Variants in FOLH1 observed in about 807,000 individuals in gnomAD.
FOLH1 encodes folate hydrolase 1.
A neutral mutation model predicts 93.9 loss-of-function variants in FOLH1; 54 were observed. That is an observed-to-expected ratio of 0.57 (90% CI 0.46 to 0.72). The LOEUF is 0.72. Among genes scored for constraint, FOLH1 ranks in the 30% least tolerant of loss-of-function variants. The probability of loss-of-function intolerance (pLI) is 0.00; values close to 1 mark genes in which losing one functional copy is unlikely to be tolerated. For synonymous variants in FOLH1, 249 were observed against 303.6 expected, an observed-to-expected ratio of 0.82 and a Z score of 1.87; for missense variants, 571 against 892.5, an observed-to-expected ratio of 0.64 and a Z score of 4.59.
chr11:49,185,946 C>G (rs1355657235), intron 5 of FOLH1, 91 bp from the exon 6 acceptor site: 5 of 1,398,522 alleles, frequency 3.6e-6, no homozygotes, highest in Non-Finnish European at 1.9e-6. Flanking sequence ...TAAATGAGTA[C>G]CAGAACTTTA....
Position 49,178,454 on chromosome 11 carries a change from A to G in FOLH1, c.921-2497T>C, listed in dbSNP as rs1200843916. Among the ~76,000 whole-genome samples, 7 of 152,332 alleles carry G rather than the reference A, an allele frequency of 4.6e-5. No individual in the cohort carries two copies. In the South Asian group the frequency reaches 1.4e-3, roughly 32 times the overall value. ...TAATAGTCCATATTTCCATAAAACA[A>G]CACAATATAAAACCACGATTGTAGT... is the stretch of plus-strand genomic sequence containing the variant. On this transcript the variant is annotated intron_variant, in intron 7 of 18. Coordinates refer to ENST00000256999, the MANE Select transcript of FOLH1 (RefSeq NM_004476.3).
chr11:49,193,035 C>G (rs1018536291), intron 3 of FOLH1, 141 bp from the exon 4 acceptor site: 2 of 533,822 alleles, frequency 3.7e-6, no homozygotes, highest in Admixed American at 8.1e-5. Context: ...GTATCAGATA[C>G]CCAGCACTAT....
intron 17 of FOLH1, among the ~76,000 whole-genome samples, chr11:49,150,154 A>G (rs1041300727): frequency 4.6e-5 from 7 of 152,198 alleles, no homozygotes; most frequent in African/African-American, 1.7e-4. Flanking sequence ...ATCTATGGAT[A>G]GAGAGGGCTC....
intron 1 of FOLH1, 112 bp downstream of exon 1, chr11:49,208,180 G>C: frequency 2.5e-6 from 2 of 785,554 alleles, no homozygotes; most frequent in South Asian, 1.8e-5. Flanking sequence ...CCTAATCGCC[G>C]CCCCTGGGGA....
chr11:49,192,686 T>C, intron 4 of FOLH1, 107 bp downstream of exon 4: 1 of 771,222 alleles, frequency 1.3e-6, no homozygotes. Flanking sequence ...GAAAAATGAA[T>C]TGGATTACAT....
Position 49,175,858 on chromosome 11 carries a change from C to A in FOLH1, c.1019+1G>T. ...AGTTAAAATTAAAATAGTCTCTTAA[C>A]TGTGTAGAAAAGTTTCCAGTAAAGC... On this transcript the variant is annotated splice_donor_variant, in intron 8 of 18. Transcript: ENST00000256999. LOFTEE classifies it high-confidence loss of function. The A allele has an allele frequency of 6.2e-7, 1 of 1,612,104 alleles. No individual in the cohort carries two copies. The highest frequency in any genetic ancestry group is 1.3e-5 in the African/African-American group (1 of 74,938).
In FOLH1 at chr11:49,154,307, A is replaced by C. The variant is rs1565131868; in HGVS notation, c.1809T>G (p.Val603=). ...AGATTTTGTCAGCATACTTTCTTAA[A>C]ACTACAGCATAATCTCGACAATCAA... ...LPFDCRDYAV[V]LRKYADKIYS... is the part of the protein sequence containing the mutation. Residue 603 remains valine, a synonymous_variant, in exon 16 of 19, where the codon GTT becomes GTG. Transcript: ENST00000256999. 1.9e-6 allele frequency: 3 copies of C among 1,613,456 alleles called. No homozygotes were observed. Among genetic ancestry groups the C allele is most frequent in the Non-Finnish European group, 1.7e-6 (2 of 1,179,604 alleles).
chr11:49,160,242 C>T (rs1214683378), intron 13 of FOLH1, among the ~76,000 whole-genome samples: 1 of 151,954 alleles, frequency 6.6e-6, no homozygotes, highest in Non-Finnish European at 1.5e-5. Context: ...CTAGTTAGCA[C>T]TCTATTTTTT....
chr11:49,151,414 G>GCACA (rs556418726), intron 17 of FOLH1, among the ~76,000 whole-genome samples: 1 of 146,308 alleles, frequency 6.8e-6, no homozygotes, highest in East Asian at 2.0e-4. Context: ...GCGCGTGCGT[G>GCACA]CACACACACA....
intron 12 of FOLH1, among the ~76,000 whole-genome samples, chr11:49,165,783 A>G (rs1858316109): frequency 6.6e-6 from 1 of 152,242 alleles, no homozygotes; most frequent in Non-Finnish European, 1.5e-5. Flanking sequence ...TAGTGACACC[A>G]CAACAGAATT....
rs1863910992 is a variant in FOLH1 at position 49,206,157 on chromosome 11, G to A, written c.134C>T (p.Ser45Phe). 1 of 1,611,418 alleles carries A rather than the reference G, an allele frequency of 6.2e-7. No homozygotes were observed. Among genetic ancestry groups the A allele is most frequent in the Non-Finnish European group, 8.5e-7 (1 of 1,178,934 alleles). The change falls in exon 2 of 19, where the codon TCC becomes TTC. Residue 45 changes from serine (S) to phenylalanine (F), a missense_variant. Ser to Phe is a radical substitution (Grantham distance 155, BLOSUM62 -2). This residue lies in a region of FOLH1 where 71 missense variants were observed against 69.6 expected (regional missense o/e 1.02). Coordinates refer to ENST00000256999, the MANE Select transcript of FOLH1 (RefSeq NM_004476.3). ...AGTAATGTTAGTAGCTTCATTGGAG[G>A]ATTTTATAAACCACCCTGAAAAATA... is the stretch of plus-strand genomic sequence containing the variant. ...LGFLFGWFIK[S>F]SNEATNITPK...
At chr11:49,150,221 G>C (rs1375293280) in intron 17 of FOLH1, among the ~76,000 whole-genome samples, 1 of 152,148 alleles carries the variant, frequency 6.6e-6, no homozygotes. Context: ...TCAAATCACT[G>C]TTGTTCAAAT....
intron 4 of FOLH1, among the ~76,000 whole-genome samples, chr11:49,187,106 T>C (rs1427993758): frequency 6.6e-6 from 1 of 152,170 alleles, no homozygotes; most frequent in Admixed American, 6.5e-5. Flanking sequence ...GGTGTCCAGA[T>C]ACCCTAGGCT....
Position 49,208,280 on chromosome 11 carries a change from GC to G in FOLH1, c.118+11del, listed in dbSNP as rs1337995775. ...AAGACTCCGAGGTTTGCTCCGCGAG[GC>G]GCCCCCCTACCGAAGAGGAAGCCGA... On this transcript the variant is annotated intron_variant, in intron 1 of 18. Transcript: ENST00000256999. 2.0e-6 allele frequency: 3 copies of G among 1,522,456 alleles called. No homozygotes were observed. The highest frequency in any genetic ancestry group is 2.4e-5 in the East Asian group (1 of 41,344). 94.3% of individuals were successfully genotyped at this position (1,522,456 alleles called of 1,614,324 possible).
At chr11:49,201,278 A>ATATATATATATATATATAT in intron 2 of FOLH1, among the ~76,000 whole-genome samples, 1 of 148,638 alleles carries the variant, frequency 6.7e-6, no homozygotes, top group African/African-American at 2.5e-5. Flanking sequence ...ATATATATAT[A>ATATATATATATATATATAT]GTTCATAAAC....
At chr11:49,158,123 GTAAC>G in intron 13 of FOLH1, 80 bp from the exon 14 acceptor site, 1 of 1,352,168 alleles carries the variant, frequency 7.4e-7, no homozygotes, top group Non-Finnish European at 9.9e-7. Context: ...CCAGAAGTGA[GTAAC>G]TAAGCCACAA....
chr11:49,192,958 C>CA (rs893173087), intron 3 of FOLH1, 64 bp from the exon 4 acceptor site: 152 of 1,336,538 alleles, frequency 1.1e-4, no homozygotes, highest in Middle Eastern at 3.9e-4. Flanking sequence ...TAATCAAACA[C>CA]AAAAAAAATG....
At chr11:49,174,321 C>T (rs1284568613) in intron 9 of FOLH1, among the ~76,000 whole-genome samples, 1 of 152,010 alleles carries the variant, frequency 6.6e-6, no homozygotes, top group African/African-American at 2.4e-5. Context: ...GTAAGAAATA[C>T]AGAACAAAAT....
At chr11:49,174,858 T>A (rs1859809771) in intron 9 of FOLH1, 34 bp downstream of exon 9, 1 of 1,513,092 alleles carries the variant, frequency 6.6e-7, no homozygotes, top group African/African-American at 1.4e-5. Flanking sequence ...AACAGTTACT[T>A]GATCAATATT....
Sources: allele counts gnomAD v4.1 joint callset (sites outside exome capture counted in the v4.1 genomes callset), GRCh38; gene constraint gnomAD v4.1.1; regional missense constraint gnomAD v4.1.1; transcripts MANE v1.5; gene names NCBI Gene and HGNC (gene_info 2026-07-23, HGNC 2026-07-21).